LRIT2: variants seen among roughly 807,000 people sequenced by gnomAD.
LRIT2 encodes leucine rich repeat, Ig-like and transmembrane domains 2.
Under a neutral mutation model 22.4 loss-of-function variants are expected in LRIT2, and 23 were observed. The observed-to-expected ratio is 1.03, with a 90% CI of 0.74 to 1.45. The LOEUF (loss-of-function observed/expected upper bound fraction) is 1.45, where lower values mean the gene tolerates loss of function less well. Among genes scored for constraint, LRIT2 ranks in the 40% most tolerant of loss-of-function variants. The pLI, the probability that LRIT2 is intolerant of heterozygous loss-of-function variation, is 0.00. For synonymous variants in LRIT2, 291 were observed against 267.1 expected (o/e 1.09, Z -0.87); for missense variants, 784 against 665.6 (o/e 1.18, Z -1.96).
intron 2 of LRIT2, chr10:84,222,981 G>A: frequency 1.5e-6 from 1 of 649,948 alleles, no homozygotes; most frequent in South Asian, 1.7e-5. Context: ...TTCAATCTAT[G>A]AAGACCATAC....
Position 84,222,036 on chromosome 10 carries a change from C to T in LRIT2, c.1537G>A (p.Ala513Thr). 6.2e-7 allele frequency: 1 copy of T among 1,610,878 alleles called. No individual in the cohort carries two copies. Among genetic ancestry groups the T allele is most frequent in the Non-Finnish European group, 8.5e-7 (1 of 1,178,208 alleles). ...AAGGAGCCATCCTTGGACTGCGGGG[C>T]TGCAGGGGTGCAGCTGGGGGCTTTC... ...RRKAPSCTPA[A>T]PQSKDGSFRE... is the part of the protein sequence containing the mutation. Residue 513 changes from alanine (A) to threonine (T), a missense_variant, in exon 3 of 3, where the codon GCC (alanine) becomes ACC (threonine). Ala to Thr is a moderately conservative substitution (Grantham distance 58, BLOSUM62 0). Coordinates refer to ENST00000372113, the MANE Select transcript of LRIT2 (RefSeq NM_001017924.5).
In LRIT2 at chr10:84,224,836, C is replaced by T; in HGVS notation, c.389G>A (p.Arg130Lys). ...CTTGTTGCGTTTGAGATCCAAGACC[C>T]TCAGGAGAGGGGTGGCACGGAACGC... Reference protein sequence around the residue: ...WTAFRATPLLRVLDLKRNKID... With the variant: ...WTAFRATPLLKVLDLKRNKID... The change falls in exon 2 of 3, where the codon AGG (arginine) becomes AAG (lysine). Residue 130 changes from arginine to lysine, a missense_variant. Transcript: ENST00000372113. 2 of 1,614,140 alleles carry T rather than the reference C, an allele frequency of 1.2e-6. No individual in the cohort carries two copies. Among genetic ancestry groups the T allele is most frequent in the Non-Finnish European group, 1.7e-6 (2 of 1,180,034 alleles).
At position 84,221,583 on chromosome 10, in the gene LRIT2, C is replaced by A. The variant is rs557276974; in HGVS notation, c.*337G>T. ...AGGATAATATATGTAAAATATTATA[C>A]GTAGACATTACGTATAAGCATGTAA... On this transcript the variant is annotated 3_prime_UTR_variant, in exon 3 of 3. Coordinates refer to ENST00000372113, the MANE Select transcript of LRIT2 (RefSeq NM_001017924.5). The A allele has an allele frequency of 2.3e-3, 407 of 176,610 alleles. 1 individual carries two copies. Among genetic ancestry groups the A allele is most frequent in the South Asian group, 0.017 (92 of 5,540 alleles). The allele number at this position is 176,610 out of a possible 1,614,324, so 10.9% of individuals were successfully genotyped here.
At chr10:84,222,771 T>C (rs187103938) in intron 2 of LRIT2, 91 bp from the exon 3 acceptor site, 1 of 1,468,810 alleles carries the variant, frequency 6.8e-7, no homozygotes, top group East Asian at 2.4e-5. Context: ...TGTTTTGCTT[T>C]GTTTTTTGTT....
chr10:84,222,187 G>C lies in LRIT2; in HGVS notation c.1386C>G (p.His462Gln). 6.2e-7 allele frequency: 1 copy of C among 1,614,174 alleles called. No individual in the cohort carries two copies. The highest frequency in any genetic ancestry group is 2.2e-5 in the East Asian group (1 of 44,886). The change falls in exon 3 of 3, where the codon CAC becomes CAG. Residue 462 changes from histidine to glutamine, a missense_variant. Physicochemically the swap from His to Gln is conservative, Grantham distance 24 (BLOSUM62 0). Coordinates refer to ENST00000372113, the MANE Select transcript of LRIT2 (RefSeq NM_001017924.5). Reference sequence around the variant, plus strand: ...ACAGGACCACTGTGACATGCAGGAGGTGCTCACGTGCCTCTAGCCCACCAG... The same window carrying C: ...ACAGGACCACTGTGACATGCAGGAGCTGCTCACGTGCCTCTAGCCCACCAG... ...RDAGGLEARE[H>Q]LLHVTVVLCV...
chr10:84,225,378 A>C, intron 1 of LRIT2, 33 bp downstream of exon 1: 1 of 1,606,216 alleles, frequency 6.2e-7, no homozygotes, highest in Non-Finnish European at 8.5e-7. Flanking sequence ...CCCATTCCCC[A>C]TAACCCTCTA....
chr10:84,222,140 G>A lies in LRIT2; in HGVS notation c.1433C>T (p.Pro478Leu), dbSNP rs1842514218. ...VVLCVVLLAV[P>L]VGAYAWAAQG... ...GGCTGCCCAGGCATAGGCGCCCACA[G>A]GCACTGCAAGCAGCACCACACACAG... The change falls in exon 3 of 3, where the codon CCT becomes CTT. Residue 478 changes from proline to leucine, a missense_variant. Pro to Leu is a moderately conservative substitution (Grantham distance 98). Transcript: ENST00000372113. 4 of 1,610,092 alleles carry A rather than the reference G, an allele frequency of 2.5e-6. No homozygotes were observed. The highest frequency in any genetic ancestry group is 3.4e-6 in the Non-Finnish European group (4 of 1,176,926).
chr10:84,225,341 T>G, intron 1 of LRIT2, 70 bp downstream of exon 1: 1 of 1,528,172 alleles, frequency 6.5e-7, no homozygotes, highest in Non-Finnish European at 8.9e-7. Flanking sequence ...TAAGCCTGCT[T>G]CCACTCCACA....
rs775172459 is a variant in LRIT2 at position 84,224,392 on chromosome 10, G to GGAC, written c.832_833insGTC (p.Ala278delinsGlyPro). 33 of 1,614,096 alleles carry GGAC rather than the reference G, an allele frequency of 2.0e-5. No homozygotes were observed. In the South Asian group the frequency reaches 3.5e-4, roughly 17 times the overall value. On this transcript the variant is annotated protein_altering_variant, in exon 2 of 3. Coordinates refer to ENST00000372113, the MANE Select transcript of LRIT2 (RefSeq NM_001017924.5). ...CCATGCAATGGATGGTGAGGGGCTGGCCTGTGCCAAGCATCGCAGGGTCAC... is the reference window on the plus strand; with the variant it reads ...CCATGCAATGGATGGTGAGGGGCTGGGACCCTGTGCCAAGCATCGCAGGGTCAC...
At chr10:84,223,503 T>TTTTTTTTTTTTTTTTTTG (rs1554859698) in intron 2 of LRIT2, among the ~76,000 whole-genome samples, 7 of 150,790 alleles carry the variant, frequency 4.6e-5, no homozygotes, top group African/African-American at 1.5e-4. Flanking sequence ...TGGGTATTTT[T>TTTTTTTTTTTTTTTTTTG]AAACCATCCA....
In LRIT2 at chr10:84,224,488, T is replaced by G. The variant is rs1466006530; in HGVS notation, c.737A>C (p.Glu246Ala). The change falls in exon 2 of 3, where the codon GAG becomes GCG. Residue 246 changes from glutamate (E) to alanine (A), a missense_variant. Coordinates refer to ENST00000372113, the MANE Select transcript of LRIT2 (RefSeq NM_001017924.5). ...SKAGQLFHETELSACMKPQIS... is the reference protein window; with the variant it reads ...SKAGQLFHETALSACMKPQIS... The stretch of plus-strand genomic sequence containing the variant: ...CTGTGGCTTCATGCAAGCACTAAGC[T>G]CAGTTTCATGAAAAAGCTGCCCTGC... The G allele has an allele frequency of 6.2e-7, 1 of 1,614,160 alleles. No individual in the cohort carries two copies.
At position 84,224,514 on chromosome 10, in the gene LRIT2, C is replaced by G; in HGVS notation, c.711G>C (p.Lys237Asn). The G allele has an allele frequency of 6.2e-7, 1 of 1,614,216 alleles. No homozygotes were observed. Among genetic ancestry groups the G allele is most frequent in the South Asian group, 1.1e-5 (1 of 91,080 alleles). The change falls in exon 2 of 3, where the codon AAG (lysine) becomes AAC (asparagine). Residue 237 changes from lysine to asparagine, a missense_variant. Transcript: ENST00000372113. The part of the protein sequence containing the change: ...SYLICQGPLS[K>N]AGQLFHETEL... Reference sequence around the variant, plus strand: ...CAGTTTCATGAAAAAGCTGCCCTGCCTTGGACAGAGGGCCCTGACATATCA... The same window carrying G: ...CAGTTTCATGAAAAAGCTGCCCTGCGTTGGACAGAGGGCCCTGACATATCA...
rs773373042 is a variant in LRIT2 at position 84,222,267 on chromosome 10, C to T, written c.1306G>A (p.Glu436Lys). The change falls in exon 3 of 3, where the codon GAG becomes AAG. Residue 436 changes from glutamate (E) to lysine (K), a missense_variant. By Grantham distance (56) the Glu-to-Lys change is moderately conservative (BLOSUM62 1). Transcript: ENST00000372113. ...GTKYEACLSL[E>K]GQPPHQGQCV... ...TGGCCCTGGTGTGGAGGCTGGCCCT[C>T]TAGGCTGAGGCAGGCCTCATATTTT... The T allele has an allele frequency of 7.4e-6, 12 of 1,614,100 alleles. No homozygotes were observed. The highest frequency in any genetic ancestry group is 6.7e-5 in the Admixed American group (4 of 60,010).
intron 1 of LRIT2, 56 bp downstream of exon 1, chr10:84,225,355 T>A: frequency 1.9e-6 from 3 of 1,568,646 alleles, no homozygotes; most frequent in Non-Finnish European, 1.7e-6. Context: ...CTCCACATCA[T>A]CCCCAAAGAA....
chr10:84,224,314 G>A lies in LRIT2; in HGVS notation c.892+19C>T, dbSNP rs1286196948. 2 of 1,598,098 alleles carry A rather than the reference G, an allele frequency of 1.3e-6. No homozygotes were observed. The highest frequency in any genetic ancestry group is 1.1e-5 in the South Asian group (1 of 88,368). On this transcript the variant is annotated intron_variant, in intron 2 of 2. Transcript: ENST00000372113. The stretch of plus-strand genomic sequence containing the variant: ...TCTCCATTCCCTCCAGATACACTGA[G>A]AGGGTGCATGTGGCTTACCATCAAA...
rs1207073147 is a variant in LRIT2, at chr10:84,222,319, A to AT, written c.1253dup (p.Tyr418Ter). Residue 418 changes from tyrosine (Y) to a stop codon, truncating the protein, a stop_gained and frameshift_variant, in exon 3 of 3, where the codon TAT (tyrosine) becomes TAAT (stop). Transcript: ENST00000372113. LOFTEE classifies it low-confidence loss of function (END_TRUNC). ...TGCCAGGAAGGAGGTCATCCACAGC[A>AT]TAAGTATTGATTCCGGGGCCAATGT... ...VVHIGPGINTYAVDDLLPGTK... is the reference protein window; with the variant it reads ...VVHIGPGINT 6.2e-7 allele frequency: 1 copy of AT among 1,614,070 alleles called. No individual in the cohort carries two copies. Among genetic ancestry groups the AT allele is most frequent in the African/African-American group, 1.3e-5 (1 of 74,904 alleles).
Position 84,220,837 on chromosome 10 carries a change from G to A in LRIT2, c.*1083C>T, listed in dbSNP as rs1194716276. The A allele has an allele frequency of 6.6e-6, 1 of 152,260 alleles. No individual in the cohort carries two copies. The highest frequency in any genetic ancestry group is 1.5e-5 in the Non-Finnish European group (1 of 68,052). The allele number at this position is 152,260 out of a possible 1,614,324, so 9.4% of individuals were successfully genotyped here. On this transcript the variant is annotated 3_prime_UTR_variant, in exon 3 of 3. Transcript: ENST00000372113. ...AGGAATGGGTAAAAAAGGTGGGAAGGAGGAAACGTGTGGAGATGTCACAAT... is the reference window on the plus strand; with the variant it reads ...AGGAATGGGTAAAAAAGGTGGGAAGAAGGAAACGTGTGGAGATGTCACAAT...
Position 84,222,616 on chromosome 10 carries a change from C to T in LRIT2, c.957G>A (p.Leu319=), listed in dbSNP as rs1482270691. The part of the protein sequence containing the change: ...LSELAIPAAH[L]VDSGNYTCMA... The stretch of plus-strand genomic sequence containing the variant: ...TGCAGGTGTAATTACCACTGTCTAC[C>T]AGGTGGGCAGCAGGTATGGCCAGCT... Residue 319 remains leucine (L), a synonymous_variant, in exon 3 of 3, where the codon CTG becomes CTA. Coordinates refer to ENST00000372113, the MANE Select transcript of LRIT2 (RefSeq NM_001017924.5). The T allele has an allele frequency of 1.2e-6, 2 of 1,614,100 alleles. No individual in the cohort carries two copies. Among genetic ancestry groups the T allele is most frequent in the South Asian group, 1.1e-5 (1 of 91,082 alleles).
rs746676124 is a variant in LRIT2, at chr10:84,221,634, G to C, written c.*286C>G. On this transcript the variant is annotated 3_prime_UTR_variant, in exon 3 of 3. Transcript: ENST00000372113. ...ATGTTATAGGCTAAGTATATGCAAA[G>C]AGTAATATTTAGTGATTTCTAATCA... 4 of 291,640 alleles carry C rather than the reference G, an allele frequency of 1.4e-5. No individual in the cohort carries two copies. Among genetic ancestry groups the C allele is most frequent in the Non-Finnish European group, 2.6e-5 (4 of 156,854 alleles). The allele number at this position is 291,640 out of a possible 1,614,324, so 18.1% of individuals were successfully genotyped here. A position where few individuals can be genotyped will look rare whatever the true frequency, so the allele number is the denominator to read the frequency against.
Sources: gnomAD v4.1 joint callset for allele counts (sites outside exome capture counted in the v4.1 genomes callset) on GRCh38, gnomAD v4.1.1 for gene constraint, MANE v1.5 for transcripts, NCBI Gene and HGNC (gene_info 2026-07-23, HGNC 2026-07-21) for gene names.